IL27RA: variants seen among roughly 807,000 people sequenced by gnomAD.
IL27RA encodes interleukin 27 receptor subunit alpha.
Under a neutral mutation model 80.8 loss-of-function variants are expected in IL27RA, and 61 were observed. The ratio of observed to expected loss-of-function variants is 0.76; its 90% CI spans 0.61 to 0.93. IL27RA has a LOEUF of 0.93. Ranked by LOEUF, IL27RA falls within the 40% of genes least tolerant of loss-of-function variation. The pLI is 0.00. For missense variants in IL27RA, 735 were observed against 808.1 expected (o/e 0.91, Z 1.10); for synonymous variants, 316 against 332.5 (o/e 0.95, Z 0.54).
At chr19:14,042,812 A>G (rs1014886094) in intron 6 of IL27RA, 23 bp downstream of exon 6, 3 of 1,601,620 alleles carry the variant, frequency 1.9e-6, no homozygotes, top group Non-Finnish European at 2.6e-6. Flanking sequence ...CACCAGTTAC[A>G]TTTCTCTGCA....
chr19:14,051,694 C>G lies in IL27RA; in HGVS notation c.1616C>G (p.Ser539Cys), dbSNP rs1366862234. Residue 539 changes from serine to cysteine, a missense_variant, in exon 12 of 14, where the codon TCT (serine) becomes TGT (cysteine). Coordinates refer to ENST00000263379, the MANE Select transcript of IL27RA (RefSeq NM_004843.4). ...GGGTGTGGCCTGAGCCTGGCCACCTCTGGAAGGTGAGGCTGTCGGATACAT... is the reference window on the plus strand; with the variant it reads ...GGGTGTGGCCTGAGCCTGGCCACCTGTGGAAGGTGAGGCTGTCGGATACAT... ...LLGCGLSLAT[S>C]GRCYHLRHKV... is the part of the protein sequence containing the mutation. 1.9e-6 allele frequency: 3 copies of G among 1,603,070 alleles called. No homozygotes were observed. The highest frequency in any genetic ancestry group is 1.7e-5 in the Admixed American group (1 of 57,274).
At chr19:14,051,579 A>G in intron 11 of IL27RA, 28 bp from the exon 12 acceptor site, 1 of 1,230,300 alleles carries the variant, frequency 8.1e-7, no homozygotes, top group Non-Finnish European at 1.1e-6. Context: ...ATAAAAAATT[A>G]AGAATGATCT....
chr19:14,052,333 G>T lies in IL27RA; in HGVS notation c.*43G>T, dbSNP rs1370566716. On this transcript the variant is annotated 3_prime_UTR_variant, in exon 14 of 14. Transcript: ENST00000263379. ...GGGCTGCCAGCCAGGCTAGAGGGAT[G>T]CTCATGCAGGTTGCACCCCAGTCCT... 1 of 1,411,640 alleles carries T rather than the reference G, an allele frequency of 7.1e-7. No individual in the cohort carries two copies. The highest frequency in any genetic ancestry group is 2.5e-5 in the East Asian group (1 of 39,704). The allele number at this position is 1,411,640 out of a possible 1,614,324, so 87.4% of individuals were successfully genotyped here.
chr19:14,051,534 T>A (rs781311974), intron 11 of IL27RA, 73 bp from the exon 12 acceptor site: 118 of 856,476 alleles, frequency 1.4e-4, no homozygotes, highest in Non-Finnish European at 1.5e-4. Context: ...AGGGCAAGAC[T>A]CTGTCTCAAA....
At chr19:14,050,385 CCAGCTACT>C (rs1456259463) in intron 10 of IL27RA, among the ~76,000 whole-genome samples, 4 of 151,660 alleles carry the variant, frequency 2.6e-5, no homozygotes, top group Non-Finnish European at 5.9e-5. Flanking sequence ...ACCTGTAGTC[CCAGCTACT>C]CAGGAGGCTA....
intron 8 of IL27RA, among the ~76,000 whole-genome samples, chr19:14,047,656 C>G (rs1394340951): frequency 7.5e-6 from 1 of 133,458 alleles, no homozygotes; most frequent in East Asian, 2.2e-4. Flanking sequence ...CATGCCTGGC[C>G]CTTTTTTTTT....
At chr19:14,049,764 TAG>T (rs1260993385) in intron 10 of IL27RA, among the ~76,000 whole-genome samples, 3 of 151,942 alleles carry the variant, frequency 2.0e-5, no homozygotes, top group Non-Finnish European at 4.4e-5. Flanking sequence ...GTATTTTTAG[TAG>T]AGACAGTTTC....
At position 14,042,896 on chromosome 19, in the gene IL27RA, C is replaced by T. The variant is rs950259950; in HGVS notation, c.768+107C>T. Reference sequence around the variant, plus strand: ...GCTCACGCTTGTAATCCCAACACTGCTGTGGGAGGCCGAGGAGGGTGGATC... The same window carrying T: ...GCTCACGCTTGTAATCCCAACACTGTTGTGGGAGGCCGAGGAGGGTGGATC... On this transcript the variant is annotated intron_variant, in intron 6 of 13. Transcript: ENST00000263379. 14 of 1,003,810 alleles carry T rather than the reference C, an allele frequency of 1.4e-5. No homozygotes were observed. The African/African-American group carries it at 1.9e-4, about 14-fold the overall frequency. The allele number at this position is 1,003,810 out of a possible 1,614,324, so 62.2% of individuals were successfully genotyped here.
chr19:14,032,363 A>G, intron 1 of IL27RA, 23 bp from the exon 2 acceptor site: 1 of 1,586,154 alleles, frequency 6.3e-7, no homozygotes, highest in Non-Finnish European at 8.6e-7. Context: ...CCCTTTCCTG[A>G]GACCCTCTGA....
At chr19:14,034,826 G>A (rs1265676166) in intron 2 of IL27RA, among the ~76,000 whole-genome samples, 2 of 150,578 alleles carry the variant, frequency 1.3e-5, no homozygotes, top group Non-Finnish European at 3.0e-5. Context: ...GGTGGCTGGC[G>A]CCTGTAGTCC....
In IL27RA at chr19:14,042,703, T is replaced by C; in HGVS notation, c.695-13T>C. 1 of 1,614,120 alleles carries C rather than the reference T, an allele frequency of 6.2e-7. No homozygotes were observed. Among genetic ancestry groups the C allele is most frequent in the East Asian group, 2.2e-5 (1 of 44,882 alleles). ...TCCCACTCATTTGTTCCCCGTTTCC[T>C]CATCCTTGCCAGCTCCAAAAGATGT... On this transcript the variant is annotated splice_polypyrimidine_tract_variant and intron_variant, in intron 5 of 13. Transcript: ENST00000263379.
At chr19:14,037,998 T>G (rs1204511851) in intron 2 of IL27RA, among the ~76,000 whole-genome samples, 1 of 151,836 alleles carries the variant, frequency 6.6e-6, no homozygotes, top group Non-Finnish European at 1.5e-5. Context: ...GTCCAGCTAA[T>G]TTTTGTATTT....
rs1462038160 is a variant in IL27RA at position 14,050,879 on chromosome 19, A to G, written c.1524A>G (p.Leu508=). Residue 508 remains leucine, a synonymous_variant, in exon 11 of 14, where the codon CTA becomes CTG. Coordinates refer to ENST00000263379, the MANE Select transcript of IL27RA (RefSeq NM_004843.4). ...CTGGTCCCATCCTCCGGCTTCATCT[A>G]CCAGGTAGGGGGGTTGGGATGGGAT... ...GPPGPILRLH[L]PDNTLRWKVL... is the part of the protein sequence containing the mutation. 5.0e-6 allele frequency: 8 copies of G among 1,607,794 alleles called. No individual in the cohort carries two copies. Among genetic ancestry groups the G allele is most frequent in the Admixed American group, 1.7e-5 (1 of 59,786 alleles).
intron 8 of IL27RA, among the ~76,000 whole-genome samples, chr19:14,047,832 T>C (rs1453869080): frequency 6.6e-6 from 1 of 150,906 alleles, no homozygotes; most frequent in African/African-American, 2.4e-5. Flanking sequence ...TTTTTTTTTT[T>C]TTTGTATTTT....
chr19:14,037,821 T>G (rs1050764419), intron 2 of IL27RA, among the ~76,000 whole-genome samples: 3 of 72,804 alleles, frequency 4.1e-5, no homozygotes, highest in African/African-American at 9.3e-5. Flanking sequence ...TGAGACCCTC[T>G]CGCTCTCTCT....
chr19:14,039,662 C>T lies in IL27RA; in HGVS notation c.373C>T (p.Gln125Ter). 6.2e-7 allele frequency: 1 copy of T among 1,612,760 alleles called. No individual in the cohort carries two copies. Among genetic ancestry groups the T allele is most frequent in the South Asian group, 1.1e-5 (1 of 90,910 alleles). ...CCCCGTCTTCGTGAACCTAGAAACC[C>T]AAAGTAACGTGGCAGGAGGGTGGGC... ...WPPVFVNLETQMKPNAPRLGP... is the reference protein window; with the variant it reads ...WPPVFVNLET Residue 125 changes from glutamine to a stop codon, truncating the protein, a stop_gained, in exon 3 of 14, where the codon CAA becomes TAA. Transcript: ENST00000263379. LOFTEE classifies it high-confidence loss of function.
intron 2 of IL27RA, among the ~76,000 whole-genome samples, chr19:14,036,193 C>T (rs954481321): frequency 3.9e-5 from 6 of 152,034 alleles, no homozygotes; most frequent in Middle Eastern, 3.4e-3. Flanking sequence ...CAGAGTCTTG[C>T]TCTGTTGCCT....
intron 6 of IL27RA, among the ~76,000 whole-genome samples, 173 bp from the exon 7 acceptor site, chr19:14,045,981 C>G (rs745925959): frequency 5.7e-4 from 86 of 152,144 alleles, no homozygotes; most frequent in Non-Finnish European, 1.1e-3. Context: ...GCCGAGATCA[C>G]GCCACTTCAC....
intron 2 of IL27RA, among the ~76,000 whole-genome samples, chr19:14,034,849 A>C (rs879838106): frequency 3.8e-4 from 57 of 150,948 alleles, no homozygotes; most frequent in Non-Finnish European, 5.9e-4. Flanking sequence ...GCTACTCAGG[A>C]GGCTGAGGCA....
Sources: allele counts gnomAD v4.1 joint callset (sites outside exome capture counted in the v4.1 genomes callset), GRCh38; gene constraint gnomAD v4.1.1; transcripts MANE v1.5; gene names NCBI Gene and HGNC (gene_info 2026-07-23, HGNC 2026-07-21).